Variants in PXDNL observed in about 807,000 individuals in gnomAD.
The protein encoded by PXDNL is probable oxidoreductase PXDNL.
A neutral mutation model predicts 150.8 loss-of-function variants in PXDNL; 145 were observed. That is an observed-to-expected ratio of 0.96 (90% CI 0.84 to 1.10). The LOEUF is 1.10. PXDNL is among the 50% of genes least tolerant of loss of function. The pLI is 0.00. For missense variants in PXDNL, 2,087 were observed against 1,873.9 expected (o/e 1.11, Z -2.10); for synonymous variants, 757 against 725.7 (o/e 1.04, Z -0.69).
At chr8:51,522,510 A>G (rs753560913) in intron 4 of PXDNL, among the ~76,000 whole-genome samples, 1 of 152,220 alleles carries the variant, frequency 6.6e-6, no homozygotes, top group Non-Finnish European at 1.5e-5. Flanking sequence ...TTCCATTGAA[A>G]ATATAATATG....
chr8:51,333,337 C>T (rs1299125584), intron 21 of PXDNL, among the ~76,000 whole-genome samples: 1 of 152,088 alleles, frequency 6.6e-6, no homozygotes, highest in African/African-American at 2.4e-5. Context: ...AAAAGGAGCT[C>T]GAAATCTTGA....
chr8:51,608,641 T>C (rs565377573), intron 2 of PXDNL, among the ~76,000 whole-genome samples: 2 of 148,494 alleles, frequency 1.3e-5, no homozygotes, highest in Admixed American at 6.7e-5. Flanking sequence ...ATCCAGACCA[T>C]CCTGGCTAAC....
intron 6 of PXDNL, among the ~76,000 whole-genome samples, chr8:51,482,556 A>G (rs1360063286): frequency 2.0e-5 from 3 of 152,088 alleles, no homozygotes; most frequent in Non-Finnish European, 4.4e-5. Flanking sequence ...GCGGAATGAT[A>G]TGGTTTGGCT....
At chr8:51,719,843 A>G (rs1484272594) in intron 1 of PXDNL, among the ~76,000 whole-genome samples, 1 of 152,022 alleles carries the variant, frequency 6.6e-6, no homozygotes, top group African/African-American at 2.4e-5. Context: ...CAAGCAGAAT[A>G]TTTTTTCAAA....
At chr8:51,329,886 C>T (rs1471956137) in intron 21 of PXDNL, among the ~76,000 whole-genome samples, 1 of 152,152 alleles carries the variant, frequency 6.6e-6, no homozygotes, top group African/African-American at 2.4e-5. Flanking sequence ...GGGCCACAAT[C>T]TTCTGTCTGC....
chr8:51,444,691 T>C (rs1432654142), intron 12 of PXDNL, among the ~76,000 whole-genome samples: 1 of 152,116 alleles, frequency 6.6e-6, no homozygotes, highest in Non-Finnish European at 1.5e-5. Context: ...GAACAGGTAC[T>C]GGGGGGAAAA....
At chr8:51,414,228 A>G (rs1189374143) in intron 14 of PXDNL, among the ~76,000 whole-genome samples, 6 of 151,780 alleles carry the variant, frequency 4.0e-5, no homozygotes. Flanking sequence ...TTATATGTAT[A>G]TATCTATATA....
intron 8 of PXDNL, among the ~76,000 whole-genome samples, chr8:51,466,045 A>G (rs1180950320): frequency 1.3e-5 from 2 of 152,152 alleles, no homozygotes; most frequent in Non-Finnish European, 2.9e-5. Flanking sequence ...AGAAAAAAAA[A>G]ACCTATTCTA....
Position 51,475,039 on chromosome 8 carries a change from G to A in PXDNL, c.627C>T (p.Thr209=), listed in dbSNP as rs200315407. 2 of 1,613,058 alleles carry A rather than the reference G, an allele frequency of 1.2e-6. No homozygotes were observed. The highest frequency in any genetic ancestry group is 2.2e-5 in the East Asian group (1 of 44,854). Residue 209 remains threonine, a synonymous_variant, in exon 7 of 23, where the codon ACC becomes ACT. Transcript: ENST00000356297. ...CATGGAGTCTCCTGGGATATTCGCA[G>A]GTAGCCGCAGCCTGGGTGTGGCCGT... ...AQHGHTQAAA[T]CEYPRRLHGR...
At chr8:51,643,574 TA>T (rs1814827386) in intron 2 of PXDNL, among the ~76,000 whole-genome samples, 1 of 152,144 alleles carries the variant, frequency 6.6e-6, no homozygotes, top group African/African-American at 2.4e-5. Flanking sequence ...ATGTTAGACC[TA>T]AAACCATAAA....
At chr8:51,366,650 A>G (rs548497462) in intron 19 of PXDNL, among the ~76,000 whole-genome samples, 105 of 152,210 alleles carry the variant, frequency 6.9e-4, no homozygotes, top group Non-Finnish European at 1.2e-3. Context: ...GAAGCTCTAA[A>G]TAACAGTAAA....
intron 21 of PXDNL, among the ~76,000 whole-genome samples, chr8:51,329,793 C>A (rs1426154049): frequency 6.6e-6 from 1 of 152,162 alleles, no homozygotes; most frequent in East Asian, 1.9e-4. Flanking sequence ...AGTCAAGATT[C>A]TCCAGGGAAA....
In PXDNL at chr8:51,453,706, T is replaced by C; in HGVS notation, c.1062A>G (p.Thr354=). ...GTSTTLECMA[T]GHPHPLITWT... is the part of the protein sequence containing the mutation. ...AAGTGATAAGAGGGTGTGGGTGGCCTGTGGCCATACATTCCAAAGTTGTGC... is the reference window on the plus strand; with the variant it reads ...AAGTGATAAGAGGGTGTGGGTGGCCCGTGGCCATACATTCCAAAGTTGTGC... Residue 354 remains threonine, a synonymous_variant, in exon 10 of 23, where the codon ACA becomes ACG. Coordinates refer to ENST00000356297, the MANE Select transcript of PXDNL (RefSeq NM_144651.5). 6.2e-7 allele frequency: 1 copy of C among 1,614,032 alleles called. No homozygotes were observed. Among genetic ancestry groups the C allele is most frequent in the Middle Eastern group, 1.7e-4 (1 of 6,060 alleles).
chr8:51,665,938 T>C (rs1049162231), intron 1 of PXDNL, among the ~76,000 whole-genome samples: 9 of 152,264 alleles, frequency 5.9e-5, no homozygotes, highest in African/African-American at 1.9e-4. Context: ...CGATGTTCTT[T>C]TGGGAAACTA....
intron 1 of PXDNL, among the ~76,000 whole-genome samples, chr8:51,663,255 T>G (rs1209507778): frequency 6.6e-6 from 1 of 152,192 alleles, no homozygotes; most frequent in Non-Finnish European, 1.5e-5. Context: ...GTGAGGAAGC[T>G]GAGACCCCAG....
Position 51,739,875 on chromosome 8 carries a change from C to CAGA in PXDNL, c.164+69305_164+69306insTCT, listed in dbSNP as rs35850546. Among the ~76,000 whole-genome samples the CAGA allele has an allele frequency of 2.3e-5, 3 of 131,736 alleles. No homozygotes were observed. In the East Asian group the frequency reaches 6.6e-4, roughly 29 times the overall value. The allele number at this position is 131,736 out of a possible 152,430, so 86.4% of individuals were successfully genotyped here. On this transcript the variant is annotated intron_variant, in intron 1 of 22. Coordinates refer to ENST00000356297, the MANE Select transcript of PXDNL (RefSeq NM_144651.5). The stretch of plus-strand genomic sequence containing the variant: ...TGAGAAAAAGAGCGAGATTCTGTCT[C>CAGA]AAAAAAAAAAAAAAATCAATTTTAT...
intron 19 of PXDNL, among the ~76,000 whole-genome samples, chr8:51,354,093 C>T (rs1586026887): frequency 6.6e-6 from 1 of 152,162 alleles, no homozygotes; most frequent in South Asian, 2.1e-4. Context: ...CCTTTAAACT[C>T]CACATTGTTG....
intron 2 of PXDNL, among the ~76,000 whole-genome samples, chr8:51,619,357 G>T (rs1040226948): frequency 6.6e-6 from 1 of 152,304 alleles, no homozygotes; most frequent in Admixed American, 6.5e-5. Flanking sequence ...TACAGAAAGG[G>T]TTTAGCCTCA....
At chr8:51,626,984 T>C (rs1814375255) in intron 2 of PXDNL, among the ~76,000 whole-genome samples, 1 of 152,200 alleles carries the variant, frequency 6.6e-6, no homozygotes, top group Non-Finnish European at 1.5e-5. Flanking sequence ...TGAATCCATA[T>C]TTTCTCACAA....
Sources: gnomAD v4.1 joint callset for allele counts (sites outside exome capture counted in the v4.1 genomes callset) on GRCh38, gnomAD v4.1.1 for gene constraint, MANE v1.5 for transcripts, NCBI Gene and HGNC (gene_info 2026-07-23, HGNC 2026-07-21) for gene names.